The following MYO16 variants were observed in gnomAD, a reference collection of about 807,000 sequenced individuals.
The protein encoded by MYO16 is myosin XVI.
Under a neutral mutation model 205.3 loss-of-function variants are expected in MYO16, and 94 were observed. The observed-to-expected ratio is 0.46, with a 90% confidence interval of 0.39 to 0.54. The LOEUF is 0.54. Among genes scored for constraint, MYO16 ranks in the 20% least tolerant of loss-of-function variants. The probability of loss-of-function intolerance (pLI) is 0.00; values close to 1 mark genes in which losing one functional copy is unlikely to be tolerated. For synonymous variants in MYO16, 988 were observed against 954.0 expected, an observed-to-expected ratio of 1.04 and a Z score of -0.66; for missense variants, 2,315 against 2,387.5, an observed-to-expected ratio of 0.97 and a Z score of 0.63.
chr13:108,782,691 C>G (rs886316365), intron 4 of MYO16, among the ~76,000 whole-genome samples: 2 of 152,120 alleles, frequency 1.3e-5, no homozygotes, highest in Admixed American at 1.3e-4. Context: ...GGGCCAGGCA[C>G]AGGGTCCCCG....
intron 3 of MYO16, among the ~76,000 whole-genome samples, chr13:108,722,511 T>G (rs1455452145): frequency 1.3e-5 from 2 of 152,180 alleles, no homozygotes; most frequent in Non-Finnish European, 2.9e-5. Flanking sequence ...CTGATATCAC[T>G]TTCAACACTG....
At chr13:108,602,821 C>A (rs2139302437) in intron 1 of MYO16, among the ~76,000 whole-genome samples, 1 of 152,238 alleles carries the variant, frequency 6.6e-6, no homozygotes, top group African/African-American at 2.4e-5. Context: ...GCAGCTTTCT[C>A]TTATTGACTA....
At chr13:108,536,882 T>G in the MYO16 span, among the ~76,000 whole-genome samples, 1 of 152,126 alleles carries the variant, frequency 6.6e-6, no homozygotes, top group East Asian at 1.9e-4. Flanking sequence ...GGATACCAAA[T>G]AAATCCAACC....
chr13:108,699,129 CAT>C (rs201462429), intron 2 of MYO16, among the ~76,000 whole-genome samples: 6 of 150,776 alleles, frequency 4.0e-5, no homozygotes, highest in South Asian at 2.1e-4. Context: ...TGTATATACA[CAT>C]ATATATAGTT....
chr13:108,552,083 C>T, the MYO16 span, among the ~76,000 whole-genome samples: 39 of 152,242 alleles, frequency 2.6e-4, no homozygotes, highest in African/African-American at 6.7e-4. Flanking sequence ...GTTATGAGGA[C>T]CCTGACTGAG....
At chr13:108,677,626 G>A (rs1473476923) in intron 2 of MYO16, among the ~76,000 whole-genome samples, 1 of 151,768 alleles carries the variant, frequency 6.6e-6, no homozygotes, top group Non-Finnish European at 1.5e-5. Context: ...TTAAAAAATT[G>A]TCTCCTGATT....
At chr13:108,666,593 A>G (rs918816896) in intron 2 of MYO16, among the ~76,000 whole-genome samples, 2 of 152,068 alleles carry the variant, frequency 1.3e-5, no homozygotes, top group South Asian at 4.2e-4. Context: ...AGAGTGCAGG[A>G]ATTACAGAGA....
At chr13:108,602,106 A>G (rs1304997288) in intron 1 of MYO16, among the ~76,000 whole-genome samples, 19 of 87,748 alleles carry the variant, frequency 2.2e-4, no homozygotes, top group African/African-American at 8.9e-4. Context: ...ATGATGAAAA[A>G]AAAAAAAAAA....
At chr13:108,871,636 G>A (rs1879070987) in intron 12 of MYO16, among the ~76,000 whole-genome samples, 1 of 152,072 alleles carries the variant, frequency 6.6e-6, no homozygotes, top group Non-Finnish European at 1.5e-5. Flanking sequence ...TATTCATTTG[G>A]CTTTCCTCTG....
chr13:109,080,185 T>C (rs534163620), intron 27 of MYO16, among the ~76,000 whole-genome samples: 1 of 152,256 alleles, frequency 6.6e-6, no homozygotes, highest in South Asian at 2.1e-4. Flanking sequence ...TGAACACTTG[T>C]ATTTCTTAAG....
chr13:108,759,912 A>G (rs762157587), intron 4 of MYO16, among the ~76,000 whole-genome samples: 1 of 152,156 alleles, frequency 6.6e-6, no homozygotes, highest in Admixed American at 6.5e-5. Flanking sequence ...AATTTGGTAG[A>G]CAAAAGGGCT....
intron 5 of MYO16, among the ~76,000 whole-genome samples, chr13:108,788,825 T>G (rs1262226487): frequency 6.6e-6 from 1 of 152,212 alleles, no homozygotes; most frequent in Non-Finnish European, 1.5e-5. Flanking sequence ...TGTGACACTC[T>G]CTTAGGAACA....
intron 14 of MYO16, among the ~76,000 whole-genome samples, chr13:108,889,296 A>G (rs1239607058): frequency 1.3e-5 from 2 of 152,196 alleles, no homozygotes; most frequent in Non-Finnish European, 2.9e-5. Flanking sequence ...CTAATTCATC[A>G]TTCTAAAATA....
In MYO16 at chr13:108,739,027, G is replaced by A. The variant is rs548083368; in HGVS notation, c.507+11444G>A. Among the ~76,000 whole-genome samples the A allele has an allele frequency of 5.3e-5, 8 of 152,274 alleles. No individual in the cohort carries two copies. The South Asian group carries it at 1.4e-3, about 28-fold the overall frequency. On this transcript the variant is annotated intron_variant, in intron 4 of 34. Coordinates refer to ENST00000457511, the MANE Select transcript of MYO16 (RefSeq NM_001198950.3). The stretch of plus-strand genomic sequence containing the variant: ...CCATCCCTTTGTTTTGAGCCTATGT[G>A]CATCTCTGCAGGTGAGATGGGTCTC...
chr13:108,576,770 C>CT, the MYO16 span, among the ~76,000 whole-genome samples: 39 of 150,974 alleles, frequency 2.6e-4, no homozygotes, highest in East Asian at 9.7e-4. Context: ...TCTTTCTTTT[C>CT]TTTTTTTTTG....
chr13:108,725,290 T>C (rs1884301085), intron 3 of MYO16, among the ~76,000 whole-genome samples: 1 of 152,220 alleles, frequency 6.6e-6, no homozygotes, highest in African/African-American at 2.4e-5. Context: ...ATTATCAATT[T>C]TTCTGTTCAT....
the MYO16 span, among the ~76,000 whole-genome samples, chr13:108,560,215 G>C: frequency 6.6e-6 from 1 of 152,222 alleles, no homozygotes; most frequent in Non-Finnish European, 1.5e-5. Flanking sequence ...GCACACTGCT[G>C]TCTATTCATA....
intron 16 of MYO16, among the ~76,000 whole-genome samples, chr13:108,954,258 T>C (rs924595764): frequency 2.0e-5 from 3 of 152,198 alleles, no homozygotes; most frequent in Non-Finnish European, 2.9e-5. Flanking sequence ...AGAAATTTTT[T>C]TTTGCCCCTT....
In MYO16 at chr13:109,141,076, G is replaced by T. The variant is rs113648411; in HGVS notation, c.4864G>T (p.Ala1622Ser). 0.069 allele frequency: 100,307 copies of T among 1,453,130 alleles called. 3,794 individuals are homozygous for T. The highest frequency in any genetic ancestry group is 0.076 in the African/African-American group (5,177 of 67,832). 90.0% of individuals were successfully genotyped at this position (1,453,130 alleles called of 1,614,324 possible). A position where few individuals can be genotyped will look rare whatever the true frequency, so the allele number is the denominator to read the frequency against. Residue 1622 changes from alanine to serine, a missense_variant, in exon 32 of 35, where the codon GCC (alanine) becomes TCC (serine). Physicochemically the swap from Ala to Ser is moderately conservative, Grantham distance 99. This residue lies in a region of MYO16 where 1,097 missense variants were observed against 1,092.0 expected (regional missense o/e 1.00). Transcript: ENST00000457511. This position sits in a 1 kb window ranked among gnomAD's most constrained non-coding sequence, Gnocchi z 4.1. Reference protein sequence around the residue: ...CAHLAFPPEPAPVNAGKAGPS... With the variant: ...CAHLAFPPEPSPVNAGKAGPS... ...GCACTTGGCCTTCCCGCCGGAGCCCGCCCCGGTGAACGCGGGGAAAGCGGG... is the reference window on the plus strand; with the variant it reads ...GCACTTGGCCTTCCCGCCGGAGCCCTCCCCGGTGAACGCGGGGAAAGCGGG...
Sources: gnomAD v4.1 joint callset for allele counts (sites outside exome capture counted in the v4.1 genomes callset) on GRCh38, gnomAD v4.1.1 for gene constraint, gnomAD v4.1.1 regional missense constraint, Gnocchi (gnomAD v3.1) non-coding constraint, MANE v1.5 for transcripts, NCBI Gene and HGNC (gene_info 2026-07-23, HGNC 2026-07-21) for gene names.